MACROD2: variants seen among roughly 807,000 people sequenced by gnomAD.
MACROD2 encodes the protein ADP-ribose glycohydrolase MACROD2.
In MACROD2, 36 loss-of-function variants were observed where a neutral mutation model predicts 70.4. That is an observed-to-expected ratio of 0.51 (90% CI 0.39 to 0.68). MACROD2 has a LOEUF of 0.68. Ranked by LOEUF, MACROD2 falls within the 30% of genes least tolerant of loss-of-function variation. MACROD2 has a pLI of 0.00. For missense variants in MACROD2, 496 were observed against 538.4 expected, an observed-to-expected ratio of 0.92 and a Z score of 0.78; for synonymous variants, 172 against 178.8, an observed-to-expected ratio of 0.96 and a Z score of 0.30.
chr20:14,242,046 C>T (rs903201170), intron 3 of MACROD2, among the ~76,000 whole-genome samples: 16 of 152,016 alleles, frequency 1.1e-4, no homozygotes, highest in African/African-American at 3.9e-4. Context: ...TGATAGAAGT[C>T]AGATTAAAGG....
chr20:14,368,396 A>C (rs2083291351), intron 3 of MACROD2, among the ~76,000 whole-genome samples: 1 of 152,140 alleles, frequency 6.6e-6, no homozygotes, highest in Non-Finnish European at 1.5e-5. Flanking sequence ...ACCAAAAATT[A>C]GCTGAGTGCG....
Position 14,860,718 on chromosome 20 carries a change from T to C in MACROD2, c.418+175759T>C, listed in dbSNP as rs917191144. ...GCAAAACCCAGGTGGAGGTCCCTGC[T>C]GAGATGCTCCCTTCCAAGGCTGTGA... On this transcript the variant is annotated intron_variant, in intron 5 of 17. Transcript: ENST00000684519. 2.4e-4 allele frequency among the ~76,000 whole-genome samples: 36 copies of C among 152,236 alleles called. 1 individual carries two copies. The highest frequency in any genetic ancestry group is 7.5e-4 in the African/African-American group (31 of 41,550).
chr20:14,131,344 A>G (rs2054716461), intron 3 of MACROD2, among the ~76,000 whole-genome samples: 1 of 152,206 alleles, frequency 6.6e-6, no homozygotes, highest in African/African-American at 2.4e-5. Flanking sequence ...AACATAGTTT[A>G]TAGCTTTTAT....
chr20:15,710,415 C>A (rs1217163817), intron 8 of MACROD2, among the ~76,000 whole-genome samples: 1 of 152,066 alleles, frequency 6.6e-6, no homozygotes, highest in Non-Finnish European at 1.5e-5. Flanking sequence ...TATAAAGTAC[C>A]TGAGGCAGTC....
intron 6 of MACROD2, among the ~76,000 whole-genome samples, chr20:15,340,908 C>CA (rs2078104265): frequency 6.6e-6 from 1 of 152,028 alleles, no homozygotes; most frequent in African/African-American, 2.4e-5. Flanking sequence ...AGGCTGGTCT[C>CA]AAACTCCTGG....
intron 5 of MACROD2, among the ~76,000 whole-genome samples, chr20:15,095,909 AAG>A (rs1225041361): frequency 4.0e-5 from 6 of 151,330 alleles, no homozygotes; most frequent in Admixed American, 1.3e-4. Flanking sequence ...GAGAAAGCAA[AAG>A]AGAGATTAAA....
intron 6 of MACROD2, among the ~76,000 whole-genome samples, chr20:15,257,133 A>C (rs2077206494): frequency 6.6e-6 from 1 of 152,146 alleles, no homozygotes; most frequent in East Asian, 1.9e-4. Flanking sequence ...CTTTTTATCA[A>C]GTATAGGGAA....
At chr20:15,401,223 G>A (rs368766390) in intron 6 of MACROD2, among the ~76,000 whole-genome samples, 1 of 151,936 alleles carries the variant, frequency 6.6e-6, no homozygotes, top group Non-Finnish European at 1.5e-5. Context: ...TATTTTTAGT[G>A]GAGACGGGGT....
At chr20:15,997,224 C>G (rs766208635) in intron 15 of MACROD2, among the ~76,000 whole-genome samples, 1 of 151,838 alleles carries the variant, frequency 6.6e-6, no homozygotes, top group Non-Finnish European at 1.5e-5. Flanking sequence ...GGATTGTTTT[C>G]TTTTTTTATG....
intron 5 of MACROD2, among the ~76,000 whole-genome samples, chr20:14,922,169 A>G (rs2074171806): frequency 6.6e-6 from 1 of 152,158 alleles, no homozygotes; most frequent in Non-Finnish European, 1.5e-5. Flanking sequence ...AATATTGAAG[A>G]TACCTGCATT....
chr20:15,138,724 G>T (rs1282169493), intron 5 of MACROD2, among the ~76,000 whole-genome samples: 1 of 152,108 alleles, frequency 6.6e-6, no homozygotes, highest in Non-Finnish European at 1.5e-5. Flanking sequence ...TGAATTACTT[G>T]ACATAATTTG....
chr20:14,527,391 C>G (rs2123194168), intron 4 of MACROD2, among the ~76,000 whole-genome samples: 1 of 152,234 alleles, frequency 6.6e-6, no homozygotes, highest in East Asian at 1.9e-4. Flanking sequence ...AGCCAGGGAC[C>G]ATGCTCTCCT....
intron 6 of MACROD2, among the ~76,000 whole-genome samples, chr20:15,260,652 T>C (rs1304559905): frequency 6.6e-6 from 1 of 151,958 alleles, no homozygotes; most frequent in Non-Finnish European, 1.5e-5. Flanking sequence ...TTGGGTCATA[T>C]GGTAGTTCTG....
chr20:15,528,464 A>G (rs577888863), intron 8 of MACROD2, among the ~76,000 whole-genome samples: 4 of 152,192 alleles, frequency 2.6e-5, no homozygotes, highest in Non-Finnish European at 5.9e-5. Flanking sequence ...AAGCAGTGCT[A>G]TTGGCTTCCT....
intron 6 of MACROD2, among the ~76,000 whole-genome samples, chr20:15,430,698 G>A (rs2046353890): frequency 6.6e-6 from 1 of 151,872 alleles, no homozygotes; most frequent in Non-Finnish European, 1.5e-5. Flanking sequence ...GTCAAAAAAG[G>A]GGTACATATT....
In MACROD2 at chr20:14,310,987, A is replaced by G. The variant is rs191293016; in HGVS notation, c.272-182492A>G. Among the ~76,000 whole-genome samples, 131 of 152,344 alleles carry G rather than the reference A, an allele frequency of 8.6e-4. 1 individual carries two copies. The highest frequency in any genetic ancestry group is 1.1e-3 in the Non-Finnish European group (75 of 68,036). ...TAGTATAAAAGTCAAAATGTTGAAA[A>G]AATTTAAAAGTTTATAAAATGAAAC... On this transcript the variant is annotated intron_variant, in intron 3 of 17. Transcript: ENST00000684519.
At chr20:15,889,887 A>T (rs2064867132) in intron 10 of MACROD2, among the ~76,000 whole-genome samples, 1 of 152,256 alleles carries the variant, frequency 6.6e-6, no homozygotes, top group South Asian at 2.1e-4. Context: ...AGAAAACATG[A>T]TACATTGTCA....
chr20:14,190,864 C>T (rs1444071126), intron 3 of MACROD2, among the ~76,000 whole-genome samples: 2 of 150,850 alleles, frequency 1.3e-5, no homozygotes, highest in African/African-American at 2.4e-5. Context: ...CCCGCCACTA[C>T]GCCGGGCTAA....
chr20:14,964,325 C>G (rs2074611563), intron 5 of MACROD2, among the ~76,000 whole-genome samples: 2 of 152,254 alleles, frequency 1.3e-5, no homozygotes, highest in Admixed American at 1.3e-4. Flanking sequence ...GTAATCCCAG[C>G]ACTTTGGGAG....
Sources: gnomAD v4.1 joint callset for allele counts (sites outside exome capture counted in the v4.1 genomes callset) on GRCh38, gnomAD v4.1.1 for gene constraint, MANE v1.5 for transcripts, NCBI Gene and HGNC (gene_info 2026-07-23, HGNC 2026-07-21) for gene names.